DLAT: variants seen among roughly 807,000 people sequenced by gnomAD.
DLAT encodes dihydrolipoyllysine-residue acetyltransferase component of pyruvate dehydrogenase complex, mitochondrial.
Under a neutral mutation model 68.0 loss-of-function variants are expected in DLAT, and 43 were observed. The ratio of observed to expected loss-of-function variants is 0.63; its 90% CI spans 0.50 to 0.81. The LOEUF (loss-of-function observed/expected upper bound fraction) is 0.81, where lower values mean the gene tolerates loss of function less well. DLAT is among the 40% of genes least tolerant of loss of function. The probability of loss-of-function intolerance (pLI) is 0.00; values close to 1 mark genes in which losing one functional copy is unlikely to be tolerated. For synonymous variants in DLAT, 265 were observed against 288.6 expected (o/e 0.92, Z 0.83); for missense variants, 745 against 815.4 (o/e 0.91, Z 1.05).
intron 2 of DLAT, among the ~76,000 whole-genome samples, 167 bp from the exon 3 acceptor site, chr11:112,028,348 G>C (rs1179716007): frequency 6.6e-6 from 1 of 151,244 alleles, no homozygotes; most frequent in Non-Finnish European, 1.5e-5. Flanking sequence ...GAACCTGGGA[G>C]GGGGAGGTTG....
In DLAT at chr11:112,029,826, T is replaced by C. The variant is rs1202705798; in HGVS notation, c.660+881T>C. On this transcript the variant is annotated intron_variant, in intron 4 of 13. Coordinates refer to ENST00000280346, the MANE Select transcript of DLAT (RefSeq NM_001931.5). ...AAGAAGGGAAGGCCTAATTCAGTCT[T>C]GGTCTGGACTACATCTCCCCGCACT... The C allele has an allele frequency of 1.9e-5, 11 of 582,848 alleles. No homozygotes were observed. The Admixed American group carries it at 2.1e-4, about 11-fold the overall frequency. 36.1% of individuals were successfully genotyped at this position (582,848 alleles called of 1,614,324 possible). A position where few individuals can be genotyped will look rare whatever the true frequency, so the allele number is the denominator to read the frequency against.
intron 10 of DLAT, among the ~76,000 whole-genome samples, chr11:112,046,733 T>TG (rs1863339856): frequency 1.3e-5 from 2 of 152,158 alleles, no homozygotes; most frequent in Admixed American, 1.3e-4. Context: ...TTTCTGTTCC[T>TG]GTGTTAGTTT....
chr11:112,055,427 GT>G (rs1863963856), intron 11 of DLAT, among the ~76,000 whole-genome samples: 3 of 151,622 alleles, frequency 2.0e-5, no homozygotes, highest in Admixed American at 2.0e-4. Context: ...TGTATTTTTA[GT>G]AGAGATGGGG....
At chr11:112,030,168 C>T in intron 4 of DLAT, 1 of 645,678 alleles carries the variant, frequency 1.5e-6, no homozygotes, top group Non-Finnish European at 2.9e-6. Context: ...CTTTATGACC[C>T]TGTGGAAAGT....
intron 6 of DLAT, among the ~76,000 whole-genome samples, chr11:112,038,919 G>A (rs1354400354): frequency 4.6e-5 from 7 of 151,822 alleles, no homozygotes; most frequent in Non-Finnish European, 7.4e-5. Context: ...AAAAGAATGC[G>A]AATAAAGAAG....
intron 12 of DLAT, among the ~76,000 whole-genome samples, chr11:112,060,589 G>A (rs1555183124): frequency 6.6e-6 from 1 of 151,928 alleles, no homozygotes; most frequent in Admixed American, 6.6e-5. Flanking sequence ...TGAGTAGCTG[G>A]TATTACAGGC....
chr11:112,035,720 C>T (rs772955412), intron 5 of DLAT, among the ~76,000 whole-genome samples: 29 of 65,056 alleles, frequency 4.5e-4, no homozygotes, highest in East Asian at 3.5e-3. Context: ...AACTCCTGAC[C>T]TCGTGATCTG....
intron 10 of DLAT, among the ~76,000 whole-genome samples, chr11:112,049,380 A>G (rs1473782274): frequency 2.6e-5 from 4 of 152,122 alleles, no homozygotes; most frequent in African/African-American, 9.7e-5. Context: ...ATGCCCCTGT[A>G]TTAGTTAGGT....
chr11:112,025,879 C>A, intron 1 of DLAT, 128 bp downstream of exon 1: 3 of 1,250,070 alleles, frequency 2.4e-6, no homozygotes, highest in Non-Finnish European at 3.3e-6. Flanking sequence ...GCCCTTTGTC[C>A]AATAGTTGGC....
intron 2 of DLAT, among the ~76,000 whole-genome samples, chr11:112,027,409 T>G (rs1555179462): frequency 6.7e-6 from 1 of 148,404 alleles, no homozygotes; most frequent in East Asian, 2.0e-4. Context: ...GCTCCTCACT[T>G]TCCAGACTGG....
intron 11 of DLAT, among the ~76,000 whole-genome samples, chr11:112,055,562 T>C (rs587744676): frequency 6.6e-6 from 1 of 152,058 alleles, no homozygotes; most frequent in South Asian, 2.1e-4. Flanking sequence ...TATTCAACTA[T>C]TGCTCCTCTC....
At chr11:112,035,761 T>C (rs1423527813) in intron 5 of DLAT, among the ~76,000 whole-genome samples, 1 of 138,070 alleles carries the variant, frequency 7.2e-6, no homozygotes. Context: ...GTGCTGGGAT[T>C]ACAGGCGTGA....
At chr11:112,037,853 C>T (rs1862857766) in intron 6 of DLAT, among the ~76,000 whole-genome samples, 1 of 151,092 alleles carries the variant, frequency 6.6e-6, no homozygotes, top group Non-Finnish European at 1.5e-5. Flanking sequence ...TCATAGCTCA[C>T]TTCATTGCCC....
rs140906404 is a variant in DLAT, at chr11:112,035,452, G to C, written c.788-1821G>C. ...AGTGTTACCTTGGTTGAACTTTGAA[G>C]TCTATTGTGGCCCAGGAGCCTTTTC... is the stretch of plus-strand genomic sequence containing the variant. On this transcript the variant is annotated intron_variant, in intron 5 of 13. Coordinates refer to ENST00000280346, the MANE Select transcript of DLAT (RefSeq NM_001931.5). 9.6e-4 allele frequency among the ~76,000 whole-genome samples: 146 copies of C among 151,758 alleles called. 1 individual carries two copies. Among genetic ancestry groups the C allele is most frequent in the Non-Finnish European group, 1.4e-3 (92 of 67,914 alleles).
At chr11:112,044,961 G>C (rs1476897601) in intron 8 of DLAT, among the ~76,000 whole-genome samples, 177 bp from the exon 9 acceptor site, 1 of 152,092 alleles carries the variant, frequency 6.6e-6, no homozygotes, top group Non-Finnish European at 1.5e-5. Flanking sequence ...CTTGAGCCCA[G>C]GAGGTTGAGG....
In DLAT at chr11:112,059,918, T is replaced by C. The variant is rs1555183003; in HGVS notation, c.1530T>C (p.Asp510=). ...DTVIRQNHVV[D]VSVAVSTPAG... ...TTTTAAACAGAAATCATGTTGTTGA[T>C]GTCAGTGTTGCGGTCAGTACTCCTG... Residue 510 remains aspartate, a synonymous_variant, in exon 12 of 14, where the codon GAT becomes GAC. Coordinates refer to ENST00000280346, the MANE Select transcript of DLAT (RefSeq NM_001931.5). 6 of 1,609,902 alleles carry C rather than the reference T, an allele frequency of 3.7e-6. No individual in the cohort carries two copies. Among genetic ancestry groups the C allele is most frequent in the Non-Finnish European group, 5.1e-6 (6 of 1,178,096 alleles).
In DLAT at chr11:112,051,766, C is replaced by G. The variant is rs1249083488; in HGVS notation, c.1514+417C>G. ...AGGCTATAGATTCTTTGTATGAGTTCAGCAAAGGGAGATTAGTGAACAAAT... is the reference window on the plus strand; with the variant it reads ...AGGCTATAGATTCTTTGTATGAGTTGAGCAAAGGGAGATTAGTGAACAAAT... On this transcript the variant is annotated intron_variant, in intron 11 of 13. Transcript: ENST00000280346. This position sits in a 1 kb window ranked among gnomAD's most constrained non-coding sequence, Gnocchi z 4.3. 6.6e-6 allele frequency among the ~76,000 whole-genome samples: 1 copy of G among 152,050 alleles called. No individual in the cohort carries two copies. Among genetic ancestry groups the G allele is most frequent in the Non-Finnish European group, 1.5e-5 (1 of 68,016 alleles).
chr11:112,055,235 ATTTTTTT>A (rs66865041), intron 11 of DLAT, among the ~76,000 whole-genome samples: 2 of 75,444 alleles, frequency 2.7e-5, no homozygotes, highest in Admixed American at 1.8e-4. Flanking sequence ...GTCAAGGCCT[ATTTTTTT>A]TTTTTTTTTT....
chr11:112,054,425 G>C (rs1349811196), intron 11 of DLAT, among the ~76,000 whole-genome samples: 2 of 152,146 alleles, frequency 1.3e-5, no homozygotes, highest in Non-Finnish European at 2.9e-5. Flanking sequence ...CAGTGATTGT[G>C]TATGACTAAG....
Sources: allele counts gnomAD v4.1 joint callset (sites outside exome capture counted in the v4.1 genomes callset), GRCh38; gene constraint gnomAD v4.1.1; non-coding constraint Gnocchi (gnomAD v3.1); transcripts MANE v1.5; gene names NCBI Gene and HGNC (gene_info 2026-07-23, HGNC 2026-07-21).